Variants in UNC5D observed in about 807,000 individuals in gnomAD.
UNC5D encodes the protein netrin receptor UNC5D.
A neutral mutation model predicts 105.4 loss-of-function variants in UNC5D; 39 were observed. That is an observed-to-expected ratio of 0.37 (90% CI 0.29 to 0.48). UNC5D has a LOEUF of 0.48. Among genes scored for constraint, UNC5D ranks in the 20% least tolerant of loss-of-function variants. The pLI is 0.98. For synonymous variants in UNC5D, 452 were observed against 450.4 expected (o/e 1.00, Z -0.04); for missense variants, 991 against 1,202.4 (o/e 0.82, Z 2.60).
At chr8:35,664,762 A>C (rs1346742770) in intron 4 of UNC5D, among the ~76,000 whole-genome samples, 1 of 152,202 alleles carries the variant, frequency 6.6e-6, no homozygotes, top group Non-Finnish European at 1.5e-5. Context: ...ATCTGGACCC[A>C]TTAATCAAGT....
At chr8:35,383,213 C>CTGAG (rs974831840) in intron 1 of UNC5D, among the ~76,000 whole-genome samples, 2 of 152,154 alleles carry the variant, frequency 1.3e-5, no homozygotes, top group African/African-American at 4.8e-5. Context: ...TTGGTAAAAC[C>CTGAG]TGAGCTCAGG....
At chr8:35,439,566 C>T (rs1585846751) in intron 1 of UNC5D, among the ~76,000 whole-genome samples, 1 of 152,154 alleles carries the variant, frequency 6.6e-6, no homozygotes, top group East Asian at 1.9e-4. Context: ...TAGCAGAAGT[C>T]TCTTGAAGCT....
At chr8:35,547,981 A>G (rs189516960) in intron 1 of UNC5D, among the ~76,000 whole-genome samples, 144 of 152,328 alleles carry the variant, frequency 9.5e-4, no homozygotes, top group African/African-American at 3.2e-3. Context: ...GGCAGAAAGC[A>G]TCCAGCACGG....
At chr8:35,285,277 G>A (rs1806509459) in intron 1 of UNC5D, among the ~76,000 whole-genome samples, 1 of 152,194 alleles carries the variant, frequency 6.6e-6, no homozygotes, top group Non-Finnish European at 1.5e-5. Flanking sequence ...TGCAGGACAA[G>A]GCTAACTTAT....
At chr8:35,545,698 G>A (rs1198971022) in intron 1 of UNC5D, among the ~76,000 whole-genome samples, 1 of 151,842 alleles carries the variant, frequency 6.6e-6, no homozygotes, top group African/African-American at 2.4e-5. Context: ...TTTTTAGACG[G>A]ATGCAAATAA....
At chr8:35,603,300 A>G (rs1189329985) in intron 4 of UNC5D, among the ~76,000 whole-genome samples, 1 of 151,978 alleles carries the variant, frequency 6.6e-6, no homozygotes, top group Non-Finnish European at 1.5e-5. Context: ...TTCATTATGT[A>G]CCCAGTAGTC....
intron 2 of UNC5D, among the ~76,000 whole-genome samples, chr8:35,565,889 C>T (rs932104753): frequency 6.6e-6 from 1 of 152,122 alleles, no homozygotes; most frequent in Non-Finnish European, 1.5e-5. Flanking sequence ...CCTTTATTTC[C>T]ACTTTCTGTG....
chr8:35,759,545 C>A (rs1801426203), intron 14 of UNC5D, 76 bp downstream of exon 14: 1 of 1,522,570 alleles, frequency 6.6e-7, no homozygotes, highest in Non-Finnish European at 8.8e-7. Context: ...TGGCAAGGGT[C>A]TGCTTGATTT....
intron 4 of UNC5D, 75 bp from the exon 5 acceptor site, chr8:35,683,472 A>G (rs1320941261): frequency 6.8e-6 from 10 of 1,467,560 alleles, no homozygotes; most frequent in Non-Finnish European, 7.3e-6. Context: ...CCACACCCGA[A>G]TCTGCTCACT....
intron 1 of UNC5D, among the ~76,000 whole-genome samples, chr8:35,393,380 G>A (rs185108102): frequency 0.042 from 6,325 of 151,874 alleles, 155 homozygotes; most frequent in Middle Eastern, 0.12. Context: ...TGATCCGCCC[G>A]CCTCGGCCTC....
At chr8:35,372,249 A>G (rs965499045) in intron 1 of UNC5D, among the ~76,000 whole-genome samples, 1 of 151,980 alleles carries the variant, frequency 6.6e-6, no homozygotes, top group African/African-American at 2.4e-5. Flanking sequence ...TCAGCCTCCC[A>G]AGTAGCTGGG....
intron 3 of UNC5D, among the ~76,000 whole-genome samples, chr8:35,584,847 G>A (rs1393321446): frequency 6.6e-6 from 1 of 151,908 alleles, no homozygotes; most frequent in Admixed American, 6.6e-5. Context: ...GGTCTGTCTT[G>A]GTTTCCAGTC....
At chr8:35,572,295 A>AAAAAAAAG (rs1817789449) in intron 3 of UNC5D, among the ~76,000 whole-genome samples, 1 of 150,396 alleles carries the variant, frequency 6.6e-6, no homozygotes, top group Non-Finnish European at 1.5e-5. Context: ...AAAAAAAAAA[A>AAAAAAAAG]AAAAACCCAC....
At chr8:35,362,465 TGA>T (rs1414455439) in intron 1 of UNC5D, among the ~76,000 whole-genome samples, 5 of 152,264 alleles carry the variant, frequency 3.3e-5, no homozygotes. Flanking sequence ...TAGCTTTCTG[TGA>T]GGGTAGCTGT....
At chr8:35,539,895 GA>G (rs1815144910) in intron 1 of UNC5D, among the ~76,000 whole-genome samples, 1 of 152,098 alleles carries the variant, frequency 6.6e-6, no homozygotes, top group Admixed American at 6.5e-5. Flanking sequence ...TAAAAAGATT[GA>G]AAATACTTGC....
At chr8:35,609,934 T>G (rs1820562500) in intron 4 of UNC5D, among the ~76,000 whole-genome samples, 1 of 152,212 alleles carries the variant, frequency 6.6e-6, no homozygotes, top group African/African-American at 2.4e-5. Flanking sequence ...GTCCAAATTC[T>G]GTTATCACAA....
chr8:35,291,988 G>A (rs2950932), intron 1 of UNC5D, among the ~76,000 whole-genome samples: 124,713 of 152,108 alleles, frequency 0.82, 51,592 homozygotes, highest in East Asian at 1. Context: ...TCACCCGCTG[G>A]TTTTCTTCTA....
At chr8:35,304,964 G>A (rs1400116766) in intron 1 of UNC5D, among the ~76,000 whole-genome samples, 1 of 152,084 alleles carries the variant, frequency 6.6e-6, no homozygotes, top group African/African-American at 2.4e-5. Context: ...ATTTATATTA[G>A]TTTGAAAGCC....
chr8:35,356,563 T>C (rs1801565787), intron 1 of UNC5D, among the ~76,000 whole-genome samples: 1 of 152,166 alleles, frequency 6.6e-6, no homozygotes, highest in South Asian at 2.1e-4. Flanking sequence ...TCTTTTTCCT[T>C]GAAAATTTCA....
Sources: gnomAD v4.1 joint callset for allele counts (sites outside exome capture counted in the v4.1 genomes callset) on GRCh38, gnomAD v4.1.1 for gene constraint, MANE v1.5 for transcripts, NCBI Gene and HGNC (gene_info 2026-07-23, HGNC 2026-07-21) for gene names.